The following BICC1 variants were observed in gnomAD, a reference collection of about 807,000 sequenced individuals.
BICC1 encodes protein bicaudal C homolog 1.
BICC1 carries 43 observed loss-of-function variants against 111.0 expected under a neutral mutation model. The observed-to-expected ratio is 0.39, with a 90% CI of 0.30 to 0.50. The LOEUF (loss-of-function observed/expected upper bound fraction) is 0.50, where lower values mean the gene tolerates loss of function less well. Ranked by LOEUF, BICC1 falls within the 20% of genes least tolerant of loss-of-function variation. The pLI is 0.88. For synonymous variants in BICC1, 467 were observed against 434.4 expected (o/e 1.07, Z -0.93); for missense variants, 1,091 against 1,203.2 (o/e 0.91, Z 1.38).
chr10:58,517,379 G>A (rs528616157), intron 1 of BICC1, among the ~76,000 whole-genome samples: 103 of 152,304 alleles, frequency 6.8e-4, no homozygotes, highest in African/African-American at 2.3e-3. Context: ...GTACATCATT[G>A]ATTAACAGTA....
intron 2 of BICC1, among the ~76,000 whole-genome samples, chr10:58,682,164 A>G (rs1353519445): frequency 1.3e-5 from 2 of 151,998 alleles, no homozygotes; most frequent in African/African-American, 4.8e-5. Context: ...GATGGTTTCC[A>G]GCTTCATCCA....
chr10:58,800,804 T>G (rs2132870571), intron 13 of BICC1, 86 bp from the exon 14 acceptor site: 1 of 1,307,996 alleles, frequency 7.6e-7, no homozygotes, highest in Non-Finnish European at 1.0e-6. Flanking sequence ...TAGAGTAGGG[T>G]TCTGATTTGT....
At chr10:58,817,745 A>C in intron 19 of BICC1, 23 bp downstream of exon 19, 1 of 1,583,710 alleles carries the variant, frequency 6.3e-7, no homozygotes, top group Non-Finnish European at 8.6e-7. Flanking sequence ...TTATTTTCCC[A>C]AGTATCTTTG....
chr10:58,809,227 G>C (rs1253870066), intron 17 of BICC1, among the ~76,000 whole-genome samples: 1 of 144,684 alleles, frequency 6.9e-6, no homozygotes, highest in Non-Finnish European at 1.5e-5. Context: ...GTAGACACAG[G>C]GTTTCACCAT....
intron 2 of BICC1, among the ~76,000 whole-genome samples, chr10:58,691,199 G>C (rs774981794): frequency 6.6e-6 from 1 of 152,046 alleles, no homozygotes; most frequent in Non-Finnish European, 1.5e-5. Context: ...ACAGTACAGT[G>C]TTGTTATCTC....
At chr10:58,683,500 T>C (rs548042072) in intron 2 of BICC1, among the ~76,000 whole-genome samples, 1 of 152,358 alleles carries the variant, frequency 6.6e-6, no homozygotes, top group South Asian at 2.1e-4. Context: ...ATATTGATTC[T>C]TCCTATCCAT....
intron 3 of BICC1, among the ~76,000 whole-genome samples, chr10:58,738,085 T>C (rs1273666548): frequency 6.6e-6 from 1 of 152,212 alleles, no homozygotes; most frequent in African/African-American, 2.4e-5. Context: ...AGAAGCTCTT[T>C]AGTTTAATTA....
At chr10:58,817,000 T>C (rs888060782) in intron 18 of BICC1, among the ~76,000 whole-genome samples, 1 of 152,144 alleles carries the variant, frequency 6.6e-6, no homozygotes, top group Non-Finnish European at 1.5e-5. Flanking sequence ...ATCATTCTTA[T>C]CACTTTATAC....
chr10:58,749,996 G>C lies in BICC1; in HGVS notation c.308-35005G>C, dbSNP rs1285510007. ...GAGTGAGAACAAATCTAAGTGCAGA[G>C]ATTAGAAAAAGTTGCTTAGAGGACC... On this transcript the variant is annotated intron_variant, in intron 3 of 20. Transcript: ENST00000373886. Among the ~76,000 whole-genome samples, 4 of 152,236 alleles carry C rather than the reference G, an allele frequency of 2.6e-5. No homozygotes were observed. The East Asian group carries it at 7.7e-4, about 29-fold the overall frequency.
chr10:58,513,682 C>G (rs1023517177), intron 1 of BICC1, among the ~76,000 whole-genome samples: 16 of 152,236 alleles, frequency 1.1e-4, no homozygotes, highest in African/African-American at 3.6e-4. Context: ...CCACTCGGGC[C>G]GCACAGAGTA....
intron 1 of BICC1, among the ~76,000 whole-genome samples, chr10:58,518,443 A>C (rs1050382554): frequency 1.6e-4 from 25 of 152,102 alleles, no homozygotes; most frequent in Non-Finnish European, 1.5e-5. Flanking sequence ...TGCCAGGTTG[A>C]TGGTGCTTAA....
At chr10:58,707,359 G>C (rs1024275284) in intron 3 of BICC1, among the ~76,000 whole-genome samples, 3 of 152,072 alleles carry the variant, frequency 2.0e-5, no homozygotes, top group Non-Finnish European at 4.4e-5. Flanking sequence ...AAAGGGCTGA[G>C]GGCACGGAAG....
At chr10:58,575,576 TTG>T (rs869038952) in intron 1 of BICC1, among the ~76,000 whole-genome samples, 1 of 4,324 alleles carries the variant, frequency 2.3e-4, no homozygotes, top group Non-Finnish European at 6.6e-4. Context: ...TAGTTTTTTT[TTG>T]GTTGTTGTTG....
At chr10:58,536,504 AT>A (rs1842829835) in intron 1 of BICC1, among the ~76,000 whole-genome samples, 1 of 151,748 alleles carries the variant, frequency 6.6e-6, no homozygotes, top group Non-Finnish European at 1.5e-5. Flanking sequence ...AAATTGAAAA[AT>A]TTCTGAAATG....
At chr10:58,641,601 G>T (rs1323650815) in intron 2 of BICC1, among the ~76,000 whole-genome samples, 1 of 152,078 alleles carries the variant, frequency 6.6e-6, no homozygotes, top group Non-Finnish European at 1.5e-5. Context: ...GTCTTAGAGA[G>T]ATTAATCATT....
At chr10:58,746,204 A>T (rs1225171470) in intron 3 of BICC1, among the ~76,000 whole-genome samples, 1 of 152,138 alleles carries the variant, frequency 6.6e-6, no homozygotes, top group Non-Finnish European at 1.5e-5. Flanking sequence ...TCTTTTTCCT[A>T]CTGAAACTTT....
rs745880973 is a variant in BICC1, at chr10:58,607,351, A to T, written c.191-13504A>T. Among the ~76,000 whole-genome samples the T allele has an allele frequency of 2.6e-5, 4 of 152,040 alleles. No homozygotes were observed. In the South Asian group the frequency reaches 8.3e-4, roughly 32 times the overall value. ...AAATAAATAAATAAATAAAACTGTC[A>T]TGCTACTGTTTTTTCTTTTGGGATG... On this transcript the variant is annotated intron_variant, in intron 1 of 20. Transcript: ENST00000373886.
intron 2 of BICC1, among the ~76,000 whole-genome samples, chr10:58,696,512 C>CA (rs1840070165): frequency 1.3e-5 from 2 of 152,224 alleles, no homozygotes; most frequent in East Asian, 3.9e-4. Context: ...AGGAAATGAG[C>CA]ACAGTAAATC....
chr10:58,552,377 G>C (rs1658449), intron 1 of BICC1, among the ~76,000 whole-genome samples: 151,183 of 152,110 alleles, frequency 0.99, 75,135 homozygotes, highest in East Asian at 1. Context: ...GCACTGTCAC[G>C]CAGGCTGGAG....
Sources: allele counts gnomAD v4.1 joint callset (sites outside exome capture counted in the v4.1 genomes callset), GRCh38; gene constraint gnomAD v4.1.1; transcripts MANE v1.5; gene names NCBI Gene and HGNC (gene_info 2026-07-23, HGNC 2026-07-21).